POLRMT: variants seen among roughly 807,000 people sequenced by gnomAD.
POLRMT encodes DNA-directed RNA polymerase, mitochondrial.
In POLRMT, 114 loss-of-function variants were observed where a neutral mutation model predicts 132.2. The observed-to-expected ratio is 0.86, with a 90% CI of 0.74 to 1.01. POLRMT has a LOEUF of 1.01. POLRMT is among the 50% of genes least tolerant of loss of function. The pLI, the probability that POLRMT is intolerant of heterozygous loss-of-function variation, is 0.00. For missense variants in POLRMT, 2,003 were observed against 1,729.1 expected (o/e 1.16, Z -2.81); for synonymous variants, 1,020 against 773.4 (o/e 1.32, Z -5.29).
At position 617,334 on chromosome 19, in the gene POLRMT, A is replaced by G. The variant is rs754248888; in HGVS notation, c.3644-11T>C. 4.3e-6 allele frequency: 7 copies of G among 1,612,814 alleles called. No individual in the cohort carries two copies. The Middle Eastern group carries it at 5.0e-4, about 114-fold the overall frequency. ...CCAGGTCGAAGGCCCCTGCGGAGGA[A>G]GCAGAGCGGACGGCGTGGGTGGCGG... On this transcript the variant is annotated splice_polypyrimidine_tract_variant and intron_variant, in intron 20 of 20. Transcript: ENST00000588649.
At chr19:629,304 G>A (rs1243328200) in intron 3 of POLRMT, among the ~76,000 whole-genome samples, 1 of 152,058 alleles carries the variant, frequency 6.6e-6, no homozygotes, top group Non-Finnish European at 1.5e-5. Flanking sequence ...CACGAGCCCC[G>A]AGAAAGAACG....
At chr19:630,405 C>T (rs1325222235) in intron 2 of POLRMT, among the ~76,000 whole-genome samples, 1 of 152,184 alleles carries the variant, frequency 6.6e-6, no homozygotes, top group African/African-American at 2.4e-5. Context: ...GCAGCCCTAA[C>T]AAGCTGCCAC....
chr19:619,762 C>A lies in POLRMT; in HGVS notation c.2890G>T (p.Glu964Ter). ...DVYSGVAAQV[E>*]VFRRQDAQRG... ...TGGGCGTCCTGCCTACGGAACACCT[C>A]CACCTGCACGGCGGGTGGGCCGGGG... Residue 964 changes from glutamate (E) to a stop codon, truncating the protein, a stop_gained, in exon 13 of 21, where the codon GAG becomes TAG. Transcript: ENST00000588649. LOFTEE classifies it high-confidence loss of function. 6.4e-7 allele frequency: 1 copy of A among 1,570,510 alleles called. No homozygotes were observed. The highest frequency in any genetic ancestry group is 8.6e-7 in the Non-Finnish European group (1 of 1,157,944).
chr19:624,760 G>A lies in POLRMT; in HGVS notation c.1099C>T (p.Pro367Ser), dbSNP rs146221322. The A allele has an allele frequency of 3.1e-6, 5 of 1,613,810 alleles. No homozygotes were observed. The African/African-American group carries it at 5.3e-5, about 17-fold the overall frequency. Residue 367 changes from proline (P) to serine (S), a missense_variant, in exon 5 of 21, where the codon CCG becomes TCG. Physicochemically the swap from Pro to Ser is moderately conservative, Grantham distance 74. Coordinates refer to ENST00000588649, the MANE Select transcript of POLRMT (RefSeq NM_005035.4). ...TFSLPPQLPP[P>S]VNTSKLLRDV... The stretch of plus-strand genomic sequence containing the variant: ...CTGAGCAGCTTGGAGGTGTTGACCG[G>A]GGGCGGCAGCTGCGGCGGGAGGCTG...
chr19:618,147 C>T (rs559017546), intron 17 of POLRMT: 5 of 564,938 alleles, frequency 8.9e-6, no homozygotes, highest in Non-Finnish European at 1.3e-5. Context: ...GCCACCACCC[C>T]GCATCCTGAG....
intron 3 of POLRMT, 108 bp from the exon 4 acceptor site, chr19:625,362 G>C (rs1431124289): frequency 6.8e-7 from 1 of 1,480,328 alleles, no homozygotes; most frequent in Non-Finnish European, 9.2e-7. Flanking sequence ...CAGGGGACAG[G>C]GTCACCAGGC....
intron 9 of POLRMT, 149 bp from the exon 10 acceptor site, chr19:621,995 G>A (rs1013021676): frequency 5.1e-6 from 6 of 1,185,970 alleles, no homozygotes; most frequent in Admixed American, 5.1e-5. Context: ...AGAAACGGCC[G>A]GACACCTGCA....
Position 630,184 on chromosome 19 carries a change from G to C in POLRMT, c.194-16C>G. ...GCCTGGAGCACTGTGAGGGGCAGAAGGCGAGGACATGAGAGGGACCCCCTC... is the reference window on the plus strand; with the variant it reads ...GCCTGGAGCACTGTGAGGGGCAGAACGCGAGGACATGAGAGGGACCCCCTC... On this transcript the variant is annotated splice_polypyrimidine_tract_variant and intron_variant, in intron 2 of 20. Coordinates refer to ENST00000588649, the MANE Select transcript of POLRMT (RefSeq NM_005035.4). 6.4e-7 allele frequency: 1 copy of C among 1,567,250 alleles called. No individual in the cohort carries two copies. The highest frequency in any genetic ancestry group is 8.7e-7 in the Non-Finnish European group (1 of 1,155,606).
Position 621,712 on chromosome 19 carries a change from A to C in POLRMT, c.1986T>G (p.Ala662=). 6.3e-7 allele frequency: 1 copy of C among 1,590,402 alleles called. No homozygotes were observed. The highest frequency in any genetic ancestry group is 8.5e-7 in the Non-Finnish European group (1 of 1,172,694). Residue 662 remains alanine, a synonymous_variant, in exon 10 of 21, where the codon GCT becomes GCG. Transcript: ENST00000588649. ...TCAGCTTGGTGGGGCTGAGCAGGAA[A>C]GCACCAGAGTGCGGCGATGTCCAGG... is the stretch of plus-strand genomic sequence containing the variant. ...PLPWTSPHSG[A]FLLSPTKLMR...
chr19:631,338 A>AAG (rs764803872), intron 2 of POLRMT, among the ~76,000 whole-genome samples: 139 of 113,396 alleles, frequency 1.2e-3, no homozygotes, highest in Middle Eastern at 4.9e-3. Flanking sequence ...AAAAAAAAAA[A>AAG]GGGGGGGGGG....
At chr19:618,808 T>C in intron 15 of POLRMT, 48 bp from the exon 16 acceptor site, 3 of 1,542,244 alleles carry the variant, frequency 1.9e-6, no homozygotes, top group South Asian at 2.4e-5. Context: ...CCCAGCACGG[T>C]GGTGGTACAT....
In POLRMT at chr19:619,113, G is replaced by C; in HGVS notation, c.3154-3C>G. The C allele has an allele frequency of 1.2e-6, 2 of 1,611,678 alleles. No homozygotes were observed. The highest frequency in any genetic ancestry group is 1.7e-6 in the Non-Finnish European group (2 of 1,179,200). On this transcript the variant is annotated splice_region_variant and splice_polypyrimidine_tract_variant and intron_variant, in intron 14 of 20. Coordinates refer to ENST00000588649, the MANE Select transcript of POLRMT (RefSeq NM_005035.4). ...CGGGCACTCTCGGTCAGCCAGTGCT[G>C]TGGGACACAGGCCGTCTCAGGGCAG... is the stretch of plus-strand genomic sequence containing the variant.
chr19:631,914 G>A (rs997878710), intron 2 of POLRMT, among the ~76,000 whole-genome samples: 44 of 152,212 alleles, frequency 2.9e-4, no homozygotes, highest in East Asian at 3.9e-4. Flanking sequence ...AGCTGGCACT[G>A]CAGGCGTTCA....
chr19:619,242 G>A lies in POLRMT; in HGVS notation c.3121C>T (p.Gln1041Ter). The A allele has an allele frequency of 3.1e-6, 5 of 1,609,084 alleles. No individual in the cohort carries two copies. Among genetic ancestry groups the A allele is most frequent in the South Asian group, 1.1e-5 (1 of 90,706 alleles). ...GCCCGGGTCCCCGAGAACATCTCCT[G>A]TAGACTCTTGAAGACCTGGCGTACG... ...YLVRQVFKSLQEMFSGTRAIQ... is the reference protein window; with the variant it reads ...YLVRQVFKSL The change falls in exon 14 of 21, where the codon CAG becomes TAG. Residue 1041 changes from glutamine to a stop codon, truncating the protein, a stop_gained. Transcript: ENST00000588649. LOFTEE classifies it high-confidence loss of function.
intron 17 of POLRMT, 82 bp downstream of exon 17, chr19:618,406 C>T: frequency 1.7e-6 from 2 of 1,147,214 alleles, no homozygotes; most frequent in Middle Eastern, 2.7e-4. Context: ...CCCAGCTAGA[C>T]CCAGCCTTGC....
chr19:622,827 G>C lies in POLRMT; in HGVS notation c.1449C>G (p.Leu483=). The C allele has an allele frequency of 2.5e-6, 4 of 1,593,788 alleles. No individual in the cohort carries two copies. Among genetic ancestry groups the C allele is most frequent in the Non-Finnish European group, 3.4e-6 (4 of 1,171,170 alleles). Residue 483 remains leucine, a synonymous_variant, in exon 7 of 21, where the codon CTC becomes CTG. Coordinates refer to ENST00000588649, the MANE Select transcript of POLRMT (RefSeq NM_005035.4). ...CGCGCGGAGGAAGACGCACCTGCAG[G>C]AGCATCCGCACCACCTCGCGCTCGT... ...LLDEREVVRM[L]LQVLQALPAQ...
intron 3 of POLRMT, among the ~76,000 whole-genome samples, chr19:628,074 A>G (rs1356356087): frequency 6.6e-6 from 1 of 152,118 alleles, no homozygotes; most frequent in Non-Finnish European, 1.5e-5. Context: ...CTGAGCTCGC[A>G]GTCCAGCGAC....
chr19:623,626 G>C, intron 5 of POLRMT, 23 bp from the exon 6 acceptor site: 1 of 1,608,976 alleles, frequency 6.2e-7, no homozygotes, highest in Non-Finnish European at 8.5e-7. Context: ...GGGTAGTGAG[G>C]TTGGGGGCTT....
Position 625,253 on chromosome 19 carries a change from C to A in POLRMT, c.824G>T (p.Gly275Val), listed in dbSNP as rs1984944018. Residue 275 changes from glycine to valine, a missense_variant and splice_region_variant, in exon 4 of 21, where the codon GGT (glycine) becomes GTT (valine). Gly to Val is a moderately radical substitution (Grantham distance 109, BLOSUM62 -3). Transcript: ENST00000588649. ...CACATATACCAGCTCCTTGAAGGCACCCTGGGAGACCAAGCCAGGGTGAGG... is the reference window on the plus strand; with the variant it reads ...CACATATACCAGCTCCTTGAAGGCAACCTGGGAGACCAAGCCAGGGTGAGG... ...NAVMLGWARQ[G>V]AFKELVYVLF... 3 of 1,613,680 alleles carry A rather than the reference C, an allele frequency of 1.9e-6. No individual in the cohort carries two copies. Among genetic ancestry groups the A allele is most frequent in the Non-Finnish European group, 2.5e-6 (3 of 1,179,866 alleles).
Sources: gnomAD v4.1 joint callset for allele counts (sites outside exome capture counted in the v4.1 genomes callset) on GRCh38, gnomAD v4.1.1 for gene constraint, MANE v1.5 for transcripts, NCBI Gene and HGNC (gene_info 2026-07-23, HGNC 2026-07-21) for gene names.